The following SLC17A1 variants were observed in gnomAD, a reference collection of about 807,000 sequenced individuals.
The protein encoded by SLC17A1 is solute carrier family 17 member 1.
In SLC17A1, 51 loss-of-function variants were observed where a neutral mutation model predicts 53.5. The observed-to-expected ratio is 0.95, with a 90% confidence interval of 0.76 to 1.20. The LOEUF (loss-of-function observed/expected upper bound fraction) is 1.20, where lower values mean the gene tolerates loss of function less well. Among genes scored for constraint, SLC17A1 ranks in the 50% most tolerant of loss-of-function variants. SLC17A1 has a pLI of 0.00. For missense variants in SLC17A1, 538 were observed against 568.2 expected, an observed-to-expected ratio of 0.95 and a Z score of 0.54; for synonymous variants, 179 against 198.8, an observed-to-expected ratio of 0.90 and a Z score of 0.84.
chr6:25,770,955 C>T, the SLC17A1 span: 5 of 1,613,794 alleles, frequency 3.1e-6, no homozygotes, highest in Non-Finnish European at 4.2e-6. Context: ...CATTGTTCTA[C>T]TTGCTGGTGG....
intron 10 of SLC17A1, 114 bp downstream of exon 10, chr6:25,811,284 C>T (rs1472365715): frequency 5.0e-6 from 6 of 1,190,842 alleles, no homozygotes; most frequent in African/African-American, 3.1e-5. Flanking sequence ...TTACTTTGCT[C>T]GATTTTAGCC....
At chr6:25,794,390 A>T (rs1444438519) in intron 12 of SLC17A1, among the ~76,000 whole-genome samples, 1 of 152,142 alleles carries the variant, frequency 6.6e-6, no homozygotes, top group Non-Finnish European at 1.5e-5. Flanking sequence ...ATTTCAACAT[A>T]ATCAGTCTCC....
At chr6:25,760,283 TA>T in the SLC17A1 span, among the ~76,000 whole-genome samples, 13 of 152,342 alleles carry the variant, frequency 8.5e-5, no homozygotes, top group Non-Finnish European at 1.8e-4. Context: ...TACTGTATTT[TA>T]TTTTTTTATT....
intron 11 of SLC17A1, among the ~76,000 whole-genome samples, chr6:25,800,482 A>G (rs1763723376): frequency 6.6e-6 from 1 of 151,968 alleles, no homozygotes; most frequent in Non-Finnish European, 1.5e-5. Context: ...ATGTGCAAAA[A>G]CAGAAGTCTG....
rs148332307 is a variant in SLC17A1 at position 25,816,538 on chromosome 6, A to C, written c.616+2530T>G. On this transcript the variant is annotated intron_variant, in intron 6 of 12. Transcript: ENST00000244527. ...AGCTAGAGAGGGGCTAGAATGGGCT[A>C]TCCACAGTGTGGAATCTAGGGCAAG... is the stretch of plus-strand genomic sequence containing the variant. Among the ~76,000 whole-genome samples the C allele has an allele frequency of 1.2e-4, 19 of 152,378 alleles. No homozygotes were observed. In the East Asian group the frequency reaches 3.7e-3, roughly 29 times the overall value.
chr6:25,770,005 C>A, the SLC17A1 span: 1,541 of 1,501,846 alleles, frequency 1.0e-3, 5 homozygotes, highest in Middle Eastern at 2.8e-3. Context: ...CTCTCAAGTC[C>A]TCACAATGAA....
At chr6:25,772,969 G>A in the SLC17A1 span, among the ~76,000 whole-genome samples, 1 of 152,328 alleles carries the variant, frequency 6.6e-6, no homozygotes, top group Middle Eastern at 3.4e-3. Context: ...TTGGTCAATG[G>A]ATGAGCTGGA....
chr6:25,750,633 CAGAG>C, the SLC17A1 span, among the ~76,000 whole-genome samples: 46 of 145,716 alleles, frequency 3.2e-4, no homozygotes, highest in Non-Finnish European at 3.3e-4. Flanking sequence ...TAACCCATGT[CAGAG>C]AGAGAGAGAG....
At chr6:25,756,898 A>C in the SLC17A1 span, among the ~76,000 whole-genome samples, 2 of 152,198 alleles carry the variant, frequency 1.3e-5, no homozygotes, top group African/African-American at 4.8e-5. Context: ...CCTGAAAGCT[A>C]TGTCTTTAGT....
chr6:25,791,593 C>T (rs1194463848), intron 12 of SLC17A1, among the ~76,000 whole-genome samples: 2 of 152,192 alleles, frequency 1.3e-5, no homozygotes, highest in Non-Finnish European at 2.9e-5. Flanking sequence ...TTAAGCCATG[C>T]AATAAACGTC....
At chr6:25,762,833 C>T in the SLC17A1 span, among the ~76,000 whole-genome samples, 6,840 of 152,218 alleles carry the variant, frequency 0.045, 461 homozygotes, top group African/African-American at 0.14. Context: ...CCAGTAGTCT[C>T]GGCTGAAGGT....
At chr6:25,776,154 A>G in the SLC17A1 span, among the ~76,000 whole-genome samples, 1 of 152,196 alleles carries the variant, frequency 6.6e-6, no homozygotes, top group African/African-American at 2.4e-5. Flanking sequence ...ATGCCAAAAA[A>G]AAATGGGTGT....
intron 10 of SLC17A1, among the ~76,000 whole-genome samples, chr6:25,807,096 A>T (rs575112488): frequency 1.1e-4 from 17 of 152,292 alleles, no homozygotes; most frequent in Admixed American, 3.3e-4. Flanking sequence ...AAATTACTAC[A>T]ACTTCTATGG....
Position 25,794,694 on chromosome 6 carries a change from C to A in SLC17A1, c.*2+4089G>T, listed in dbSNP as rs77295058. On this transcript the variant is annotated intron_variant, in intron 12 of 12. Transcript: ENST00000244527. The stretch of plus-strand genomic sequence containing the variant: ...CAGCTGTCTACTAAACTCATGAACC[C>A]GGTACATTCGAAGGGAAGAGAGGTG... 9.0e-3 allele frequency among the ~76,000 whole-genome samples: 1,368 copies of A among 152,238 alleles called. 19 individuals are homozygous for A. Among genetic ancestry groups the A allele is most frequent in the African/African-American group, 0.028 (1,176 of 41,538 alleles).
At chr6:25,726,279 G>A in the SLC17A1 span, 1 of 1,614,108 alleles carries the variant, frequency 6.2e-7, no homozygotes, top group Non-Finnish European at 8.5e-7. Flanking sequence ...CTAGCTGCAG[G>A]TGGCGGGGAA....
chr6:25,782,198 T>C (rs1309856655), downstream of SLC17A1, among the ~76,000 whole-genome samples: 2 of 152,162 alleles, frequency 1.3e-5, no homozygotes, highest in African/African-American at 4.8e-5. Flanking sequence ...TCTTTCTTCC[T>C]ACTTGGAAGG....
chr6:25,735,675 A>C, the SLC17A1 span, among the ~76,000 whole-genome samples: 1 of 152,240 alleles, frequency 6.6e-6, no homozygotes, highest in African/African-American at 2.4e-5. Context: ...AAAAGTTTTC[A>C]AAAACAATAT....
At chr6:25,813,015 T>G in intron 7 of SLC17A1, 23 bp from the exon 8 acceptor site, 4 of 1,613,576 alleles carry the variant, frequency 2.5e-6, no homozygotes, top group Non-Finnish European at 3.4e-6. Flanking sequence ...TCATTAAGAA[T>G]TAGCACATTA....
the SLC17A1 span, chr6:25,771,007 T>C: frequency 1.9e-5 from 30 of 1,613,276 alleles, no homozygotes; most frequent in Non-Finnish European, 2.5e-5. Flanking sequence ...GTCTTCTATA[T>C]CTTTGGTGAG....
Sources: gnomAD v4.1 joint callset for allele counts (sites outside exome capture counted in the v4.1 genomes callset) on GRCh38, gnomAD v4.1.1 for gene constraint, MANE v1.5 for transcripts, NCBI Gene and HGNC (gene_info 2026-07-23, HGNC 2026-07-21) for gene names.